The following DPP6 variants were observed in gnomAD, a reference collection of about 807,000 sequenced individuals.
The protein encoded by DPP6 is A-type potassium channel modulatory protein DPP6.
DPP6 carries 69 observed loss-of-function variants against 122.6 expected under a neutral mutation model. That is an observed-to-expected ratio of 0.56 (90% CI 0.46 to 0.69). The LOEUF is 0.69. Ranked by LOEUF, DPP6 falls within the 30% of genes least tolerant of loss-of-function variation. The probability of loss-of-function intolerance (pLI) is 0.00; values close to 1 mark genes in which losing one functional copy is unlikely to be tolerated. For missense variants in DPP6, 928 were observed against 1,116.9 expected, an observed-to-expected ratio of 0.83 and a Z score of 2.41; for synonymous variants, 418 against 433.1, an observed-to-expected ratio of 0.97 and a Z score of 0.43.
At chr7:154,259,844 C>T (rs747695637) in intron 1 of DPP6, among the ~76,000 whole-genome samples, 9 of 152,108 alleles carry the variant, frequency 5.9e-5, no homozygotes, top group Non-Finnish European at 1.0e-4. Flanking sequence ...GTGAACACAA[C>T]GGGTGAAGCA....
At chr7:154,838,601 C>G (rs1232667672) in intron 16 of DPP6, 6 of 152,372 alleles carry the variant, frequency 3.9e-5, no homozygotes, top group Admixed American at 1.3e-4. Context: ...AGCGGGATGC[C>G]TTCGGGAGCA....
chr7:153,868,394 C>T, the DPP6 span, among the ~76,000 whole-genome samples: 436 of 152,190 alleles, frequency 2.9e-3, 4 homozygotes, highest in African/African-American at 9.8e-3. Context: ...GTGTATGTGT[C>T]TAGGAATTTA....
chr7:154,581,208 G>A (rs191550941), intron 5 of DPP6, among the ~76,000 whole-genome samples: 17 of 152,314 alleles, frequency 1.1e-4, no homozygotes, highest in African/African-American at 4.1e-4. Context: ...GCGGATACAA[G>A]CGAGGGTAGC....
At chr7:154,474,591 G>T (rs180925789) in intron 2 of DPP6, among the ~76,000 whole-genome samples, 1 of 152,258 alleles carries the variant, frequency 6.6e-6, no homozygotes, top group Admixed American at 6.5e-5. Context: ...TATGACTGAG[G>T]TCCATTCTGG....
intron 7 of DPP6, among the ~76,000 whole-genome samples, chr7:154,669,712 G>C (rs1398927636): frequency 6.6e-6 from 1 of 152,186 alleles, no homozygotes. Flanking sequence ...AACTGTAGCT[G>C]TGTCTATGGA....
chr7:154,786,759 C>G (rs1563209332), intron 10 of DPP6, among the ~76,000 whole-genome samples: 1 of 152,148 alleles, frequency 6.6e-6, no homozygotes, highest in Non-Finnish European at 1.5e-5. Context: ...TTTCCAAAAG[C>G]TTTTTGAATT....
chr7:154,059,415 C>T (rs1801346798), intron 1 of DPP6: 1 of 151,566 alleles, frequency 6.6e-6, no homozygotes, highest in African/African-American at 2.5e-5. Flanking sequence ...AAGATCAAAT[C>T]TTCCGACGGC....
rs1585546519 is a variant in DPP6 at position 154,172,129 on chromosome 7, C to T, written c.243+119066C>T. ...TACTTGTATAGATTCTGTGCCCCTC[C>T]CTCCCTTCCTTCCTTCTTCCCTGCC... On this transcript the variant is annotated intron_variant, in intron 1 of 25. Transcript: ENST00000377770. Among the ~76,000 whole-genome samples the T allele has an allele frequency of 2.3e-5, 3 of 128,776 alleles. No individual in the cohort carries two copies. In the South Asian group the frequency reaches 7.9e-4, roughly 34 times the overall value. The allele number at this position is 128,776 out of a possible 152,430, so 84.5% of individuals were successfully genotyped here.
intron 1 of DPP6, among the ~76,000 whole-genome samples, chr7:154,365,733 C>T (rs1322389258): frequency 6.6e-6 from 1 of 152,004 alleles, no homozygotes; most frequent in East Asian, 1.9e-4. Flanking sequence ...GCGGGCGGAT[C>T]ACAAGGTCAG....
At chr7:154,806,447 T>G (rs1798703763) in intron 15 of DPP6, among the ~76,000 whole-genome samples, 2 of 152,156 alleles carry the variant, frequency 1.3e-5, no homozygotes, top group Admixed American at 1.3e-4. Flanking sequence ...GTAGCTCCGT[T>G]GAGTGGGAAG....
chr7:154,715,059 C>CTTATT lies in DPP6; in HGVS notation c.763-12690_763-12686dup, dbSNP rs1554443851. On this transcript the variant is annotated intron_variant, in intron 7 of 25. Coordinates refer to ENST00000377770, the MANE Select transcript of DPP6 (RefSeq NM_130797.4). ...ACTATTTTATTTTATTTTATCTTAT[C>CTTATT]TTATTTTATTTTATTTTATTTTTTG... is the stretch of plus-strand genomic sequence containing the variant. Among the ~76,000 whole-genome samples the CTTATT allele has an allele frequency of 8.7e-4, 132 of 151,918 alleles. 1 individual carries two copies. Among genetic ancestry groups the CTTATT allele is most frequent in the African/African-American group, 2.9e-3 (119 of 41,432 alleles).
intron 1 of DPP6, among the ~76,000 whole-genome samples, chr7:154,353,372 C>T (rs945650180): frequency 1.3e-5 from 2 of 152,064 alleles, no homozygotes; most frequent in Admixed American, 6.6e-5. Flanking sequence ...AGCAGACGTG[C>T]CCAGTATAGC....
At chr7:154,861,023 A>G (rs1222635718) in intron 17 of DPP6, among the ~76,000 whole-genome samples, 1 of 152,270 alleles carries the variant, frequency 6.6e-6, no homozygotes, top group Non-Finnish European at 1.5e-5. Flanking sequence ...TTTCGAAAGC[A>G]GCCTGGTGCC....
intron 1 of DPP6, among the ~76,000 whole-genome samples, chr7:154,098,949 T>G (rs1232612508): frequency 1.3e-5 from 2 of 152,270 alleles, no homozygotes; most frequent in Admixed American, 6.5e-5. Flanking sequence ...CATGCCAATC[T>G]GCTCATACAG....
At chr7:154,795,784 C>T in intron 11 of DPP6, 61 bp from the exon 12 acceptor site, 2 of 1,176,270 alleles carry the variant, frequency 1.7e-6, no homozygotes, top group Non-Finnish European at 2.3e-6. Context: ...ACAATACATG[C>T]AAAAAAAAAA....
the DPP6 span, among the ~76,000 whole-genome samples, chr7:153,866,250 C>A: frequency 6.6e-6 from 1 of 152,144 alleles, no homozygotes; most frequent in Admixed American, 6.6e-5. Context: ...AATGGTTGAA[C>A]TAGTTTACAG....
At chr7:154,310,326 C>G (rs1403537578) in intron 1 of DPP6, among the ~76,000 whole-genome samples, 1 of 152,246 alleles carries the variant, frequency 6.6e-6, no homozygotes, top group African/African-American at 2.4e-5. Flanking sequence ...GCGGCATGCG[C>G]TGTGCTCTGA....
At chr7:154,409,269 A>G (rs1816387970) in intron 1 of DPP6, among the ~76,000 whole-genome samples, 3 of 152,190 alleles carry the variant, frequency 2.0e-5, no homozygotes, top group South Asian at 2.1e-4. Flanking sequence ...TGGTGTCCTT[A>G]TAGGAAGAGA....
chr7:154,510,239 C>A lies in DPP6; in HGVS notation c.458-30293C>A, dbSNP rs578153421. ...TCTGACCACTCAACCATGAGAAATA[C>A]TAATGAGGAAGAAATAGAACAAGCA... On this transcript the variant is annotated intron_variant, in intron 3 of 25. Transcript: ENST00000377770. Among the ~76,000 whole-genome samples, 8 of 152,278 alleles carry A rather than the reference C, an allele frequency of 5.3e-5. No homozygotes were observed. In the East Asian group the frequency reaches 1.5e-3, roughly 29 times the overall value.
Sources: gnomAD v4.1 joint callset for allele counts (sites outside exome capture counted in the v4.1 genomes callset) on GRCh38, gnomAD v4.1.1 for gene constraint, MANE v1.5 for transcripts, NCBI Gene and HGNC (gene_info 2026-07-23, HGNC 2026-07-21) for gene names.